The following CDK19 variants were observed in gnomAD, a reference collection of about 807,000 sequenced individuals.
CDK19 encodes cyclin dependent kinase 19, also known as cyclin-dependent kinase 19.
In CDK19, 20 loss-of-function variants were observed where a neutral mutation model predicts 68.3. The observed-to-expected ratio is 0.29, with a 90% confidence interval of 0.21 to 0.43. The LOEUF (loss-of-function observed/expected upper bound fraction) is 0.43. CDK19 is among the 20% of genes least tolerant of loss of function. The pLI, the probability that CDK19 is intolerant of heterozygous loss-of-function variation, is 1.00. For missense variants in CDK19, 339 were observed against 623.5 expected (o/e 0.54, Z 4.86); for synonymous variants, 221 against 222.8 (o/e 0.99, Z 0.07).
rs773263211 is a variant in CDK19, at chr6:110,815,019, G to A, written c.118C>T (p.Arg40Trp). 1.2e-6 allele frequency: 2 copies of A among 1,603,622 alleles called. No homozygotes were observed. Among genetic ancestry groups the A allele is most frequent in the South Asian group, 2.2e-5 (2 of 90,130 alleles). Residue 40 changes from arginine (R) to tryptophan (W), a missense_variant, in exon 1 of 13, where the codon CGG becomes TGG. Transcript: ENST00000368911. ...GTYGHVYKAR[R>W]KDGKDEKEYA... ...CGCCCCTGCTCTTACCCATCTTTCC[G>A]CCTCGCCTTGTAGACGTGACCGTAG...
At chr6:110,759,223 A>G (rs1025073663) in intron 1 of CDK19, among the ~76,000 whole-genome samples, 7 of 149,664 alleles carry the variant, frequency 4.7e-5, no homozygotes, top group African/African-American at 1.7e-4. Flanking sequence ...ACACGGTGAA[A>G]CCCCATCTCT....
At chr6:110,742,084 C>T (rs905443137) in intron 2 of CDK19, among the ~76,000 whole-genome samples, 29 of 152,244 alleles carry the variant, frequency 1.9e-4, no homozygotes, top group Middle Eastern at 3.4e-3. Flanking sequence ...ATGTAAAGGA[C>T]AAATACATAA....
At chr6:110,763,162 C>T (rs1779340621) in intron 1 of CDK19, among the ~76,000 whole-genome samples, 3 of 152,062 alleles carry the variant, frequency 2.0e-5, no homozygotes, top group Admixed American at 2.0e-4. Context: ...GCCTGAATCC[C>T]ATAATTTAAA....
intron 1 of CDK19, among the ~76,000 whole-genome samples, chr6:110,786,021 T>C (rs1270588957): frequency 6.6e-6 from 1 of 152,048 alleles, no homozygotes; most frequent in Non-Finnish European, 1.5e-5. Flanking sequence ...AAATACATCA[T>C]AATTTCTGCC....
intron 8 of CDK19, among the ~76,000 whole-genome samples, chr6:110,624,509 A>G (rs1778962631): frequency 6.6e-6 from 1 of 152,186 alleles, no homozygotes; most frequent in Admixed American, 6.5e-5. Context: ...CAGTGACAAA[A>G]AAACCACTGA....
intron 4 of CDK19, among the ~76,000 whole-genome samples, chr6:110,654,516 T>C (rs997163079): frequency 7.2e-5 from 11 of 152,216 alleles, no homozygotes; most frequent in Non-Finnish European, 1.0e-4. Context: ...AGGTACATAC[T>C]GTGTTTAATA....
intron 1 of CDK19, among the ~76,000 whole-genome samples, chr6:110,788,841 C>T (rs1223231405): frequency 6.6e-6 from 1 of 152,042 alleles, no homozygotes; most frequent in Non-Finnish European, 1.5e-5. Context: ...TATCAAGGAA[C>T]TGAACTTTTT....
intron 1 of CDK19, among the ~76,000 whole-genome samples, chr6:110,798,689 A>AAGAC (rs2115101748): frequency 6.6e-6 from 1 of 151,792 alleles, no homozygotes; most frequent in East Asian, 1.9e-4. Context: ...GATATACCAG[A>AAGAC]AGACATGAAG....
intron 1 of CDK19, among the ~76,000 whole-genome samples, chr6:110,812,674 T>C (rs527414142): frequency 1.3e-5 from 2 of 152,328 alleles, no homozygotes; most frequent in South Asian, 4.1e-4. Flanking sequence ...GTAACCTATG[T>C]GATTTCTGGC....
At chr6:110,746,014 T>C (rs1382010672) in intron 2 of CDK19, 112 bp downstream of exon 2, 1 of 488,772 alleles carries the variant, frequency 2.0e-6, no homozygotes, top group East Asian at 3.5e-5. Flanking sequence ...ATTCTTAAAC[T>C]AACATATGTA....
At chr6:110,655,597 G>A (rs899565848) in intron 4 of CDK19, among the ~76,000 whole-genome samples, 7 of 152,068 alleles carry the variant, frequency 4.6e-5, no homozygotes, top group African/African-American at 1.7e-4. Flanking sequence ...GCAGAAGTCT[G>A]AACTTGCATT....
chr6:110,626,906 A>T, intron 7 of CDK19, 61 bp from the exon 8 acceptor site: 1 of 1,371,620 alleles, frequency 7.3e-7, no homozygotes, highest in South Asian at 1.3e-5. Flanking sequence ...TCTCCTAATT[A>T]TGTTAGTTTA....
At chr6:110,797,505 GA>G (rs908771687) in intron 1 of CDK19, among the ~76,000 whole-genome samples, 3 of 150,716 alleles carry the variant, frequency 2.0e-5, no homozygotes, top group African/African-American at 2.4e-5. Context: ...TATTAAGAAA[GA>G]AAAAAAGAAA....
At chr6:110,664,141 C>A (rs1328688447) in intron 4 of CDK19, among the ~76,000 whole-genome samples, 1 of 152,190 alleles carries the variant, frequency 6.6e-6, no homozygotes, top group African/African-American at 2.4e-5. Context: ...TGCAATTCAG[C>A]TTATCCATAT....
At chr6:110,624,506 A>C (rs1778962134) in intron 8 of CDK19, among the ~76,000 whole-genome samples, 1 of 152,150 alleles carries the variant, frequency 6.6e-6, no homozygotes, top group Non-Finnish European at 1.5e-5. Context: ...ACTCAGTGAC[A>C]AAAAAACCAC....
intron 4 of CDK19, chr6:110,646,001 C>G: frequency 9.1e-7 from 1 of 1,093,986 alleles, no homozygotes; most frequent in East Asian, 2.6e-5. Flanking sequence ...AGTATCTGGG[C>G]AAGCAGGGTG....
intron 4 of CDK19, among the ~76,000 whole-genome samples, chr6:110,647,471 A>C (rs528046881): frequency 5.9e-5 from 9 of 152,340 alleles, no homozygotes; most frequent in Admixed American, 1.3e-4. Flanking sequence ...GAGCAAGAAG[A>C]GAGAAAGTGC....
At chr6:110,810,887 A>G (rs544346916) in intron 1 of CDK19, among the ~76,000 whole-genome samples, 1 of 150,986 alleles carries the variant, frequency 6.6e-6, no homozygotes, top group Non-Finnish European at 1.5e-5. Context: ...CCTTTTCCAT[A>G]TTTTTTTTTG....
intron 8 of CDK19, among the ~76,000 whole-genome samples, chr6:110,625,844 T>C (rs926558342): frequency 5.3e-5 from 8 of 152,236 alleles, no homozygotes; most frequent in Non-Finnish European, 7.3e-5. Context: ...TCTATTTCTC[T>C]TTATGATGTC....
Sources: gnomAD v4.1 joint callset for allele counts (sites outside exome capture counted in the v4.1 genomes callset) on GRCh38, gnomAD v4.1.1 for gene constraint, MANE v1.5 for transcripts, NCBI Gene and HGNC (gene_info 2026-07-23, HGNC 2026-07-21) for gene names.